Variants in EYS observed in about 807,000 individuals in gnomAD.
EYS encodes the protein protein eyes shut homolog.
EYS carries 250 observed loss-of-function variants against 282.1 expected under a neutral mutation model. The observed-to-expected ratio is 0.89, with a 90% CI of 0.80 to 0.98. The LOEUF is 0.98. Among genes scored for constraint, EYS ranks in the 50% least tolerant of loss-of-function variants. The probability of loss-of-function intolerance (pLI) is 0.00; values close to 1 mark genes in which losing one functional copy is unlikely to be tolerated. For missense variants in EYS, 4,016 were observed against 3,709.0 expected (o/e 1.08, Z -2.15); for synonymous variants, 1,355 against 1,282.9 (o/e 1.06, Z -1.20).
At chr6:65,185,819 T>A (rs1765503998) in intron 12 of EYS, among the ~76,000 whole-genome samples, 1 of 151,796 alleles carries the variant, frequency 6.6e-6, no homozygotes, top group African/African-American at 2.4e-5. Flanking sequence ...AGTATGTTCT[T>A]GGTTTTATTA....
chr6:63,974,352 A>C lies in EYS; in HGVS notation c.7055+10031T>G, dbSNP rs141304262. 3.8e-3 allele frequency among the ~76,000 whole-genome samples: 580 copies of C among 152,200 alleles called. 4 individuals are homozygous for C. The highest frequency in any genetic ancestry group is 0.013 in the African/African-American group (543 of 41,564). On this transcript the variant is annotated intron_variant, in intron 35 of 42. Transcript: ENST00000503581. Reference sequence around the variant, plus strand: ...CCATTAATAAATAGTTTTTGAAGGAAAGCAAAACAGTCAAAAAAACATATT... The same window carrying C: ...CCATTAATAAATAGTTTTTGAAGGACAGCAAAACAGTCAAAAAAACATATT...
intron 35 of EYS, among the ~76,000 whole-genome samples, chr6:63,916,762 C>G (rs1264206779): frequency 6.6e-6 from 1 of 152,012 alleles, no homozygotes; most frequent in Non-Finnish European, 1.5e-5. Context: ...TTGTTATGTC[C>G]GATTTGCTGT....
At chr6:64,482,167 C>G (rs1395092124) in intron 26 of EYS, among the ~76,000 whole-genome samples, 2 of 151,324 alleles carry the variant, frequency 1.3e-5, no homozygotes, top group Non-Finnish European at 3.0e-5. Context: ...TGCTTTTTTT[C>G]TTAGAAGGTA....
At chr6:65,294,469 G>T (rs1247123317) in intron 12 of EYS, among the ~76,000 whole-genome samples, 2 of 151,744 alleles carry the variant, frequency 1.3e-5, no homozygotes, top group Admixed American at 6.6e-5. Context: ...GGAGAAGTAG[G>T]CCATACCAAT....
At chr6:63,993,755 T>A (rs1231155219) in intron 34 of EYS, among the ~76,000 whole-genome samples, 1 of 151,860 alleles carries the variant, frequency 6.6e-6, no homozygotes, top group Non-Finnish European at 1.5e-5. Flanking sequence ...ATACAATCCA[T>A]ACCAAAATTC....
chr6:65,453,025 A>G (rs1007032923), intron 5 of EYS, among the ~76,000 whole-genome samples: 3 of 152,090 alleles, frequency 2.0e-5, no homozygotes, highest in African/African-American at 7.2e-5. Flanking sequence ...GGAAGCATTT[A>G]TAAGTACACA....
chr6:64,901,611 G>A (rs991698122), intron 18 of EYS, among the ~76,000 whole-genome samples: 2 of 151,768 alleles, frequency 1.3e-5, no homozygotes, highest in African/African-American at 4.8e-5. Context: ...ATGTAACCTC[G>A]GACATACTAG....
chr6:64,411,029 A>C (rs2150443502), intron 28 of EYS, among the ~76,000 whole-genome samples: 1 of 152,234 alleles, frequency 6.6e-6, no homozygotes, highest in Admixed American at 6.6e-5. Flanking sequence ...TTAAGTCTTT[A>C]GAAGCTCAAG....
intron 13 of EYS, among the ~76,000 whole-genome samples, chr6:65,039,935 A>AC (rs1772882162): frequency 6.6e-6 from 1 of 151,656 alleles, no homozygotes; most frequent in South Asian, 2.1e-4. Flanking sequence ...ATCTGGATGG[A>AC]CTCTGAAATG....
chr6:64,073,899 G>A (rs116081946), intron 32 of EYS, among the ~76,000 whole-genome samples: 4,372 of 151,798 alleles, frequency 0.029, 68 homozygotes, highest in Non-Finnish European at 0.046. Context: ...CTCTAGAAGA[G>A]TTTACCATTA....
intron 24 of EYS, among the ~76,000 whole-genome samples, chr6:64,599,685 T>C (rs1164190935): frequency 6.6e-6 from 1 of 152,146 alleles, no homozygotes; most frequent in Non-Finnish European, 1.5e-5. Context: ...AAAAGCAGTG[T>C]TATCCCATAG....
intron 5 of EYS, among the ~76,000 whole-genome samples, chr6:65,484,164 C>T (rs1765706047): frequency 6.6e-6 from 1 of 151,890 alleles, no homozygotes; most frequent in South Asian, 2.1e-4. Context: ...ATTATAGTTA[C>T]CAAACCTTTA....
intron 29 of EYS, among the ~76,000 whole-genome samples, chr6:64,369,019 G>T (rs1294533697): frequency 6.6e-6 from 1 of 152,022 alleles, no homozygotes; most frequent in African/African-American, 2.4e-5. Flanking sequence ...TTATCTTCCA[G>T]GGATTTTATA....
intron 14 of EYS, among the ~76,000 whole-genome samples, chr6:64,980,001 C>T (rs902674261): frequency 5.9e-5 from 9 of 151,476 alleles, no homozygotes; most frequent in African/African-American, 2.2e-4. Context: ...ACTCTTTGTT[C>T]CAGGTGATGG....
At chr6:65,344,289 G>A in intron 9 of EYS, 112 bp from the exon 10 acceptor site, 1 of 909,510 alleles carries the variant, frequency 1.1e-6, no homozygotes, top group Non-Finnish European at 1.7e-6. Flanking sequence ...GACAACATCT[G>A]CCACAAAATA....
intron 2 of EYS, among the ~76,000 whole-genome samples, chr6:65,588,762 G>A (rs981788551): frequency 1.3e-5 from 2 of 151,982 alleles, no homozygotes; most frequent in African/African-American, 4.8e-5. Flanking sequence ...ATAACTACGT[G>A]TCTCTTGCAG....
intron 5 of EYS, among the ~76,000 whole-genome samples, chr6:65,416,700 G>A (rs1255472548): frequency 1.3e-5 from 2 of 151,954 alleles, no homozygotes; most frequent in African/African-American, 4.8e-5. Flanking sequence ...AAGCAATTCT[G>A]TGTAAAATAA....
At chr6:64,699,995 G>C (rs1037153909) in intron 22 of EYS, among the ~76,000 whole-genome samples, 7 of 151,918 alleles carry the variant, frequency 4.6e-5, no homozygotes, top group African/African-American at 1.7e-4. Flanking sequence ...CAAAAAACTA[G>C]TAAATTGAAT....
At chr6:63,857,760 C>A in intron 36 of EYS, 1 of 248,370 alleles carries the variant, frequency 4.0e-6, no homozygotes. Flanking sequence ...ACTTTGAAGA[C>A]ATTACAACAC....
Sources: allele counts gnomAD v4.1 joint callset (sites outside exome capture counted in the v4.1 genomes callset), GRCh38; gene constraint gnomAD v4.1.1; transcripts MANE v1.5; gene names NCBI Gene and HGNC (gene_info 2026-07-23, HGNC 2026-07-21).